Variants in SCARB2 observed in about 807,000 individuals in gnomAD.
SCARB2 encodes the protein scavenger receptor class B member 2.
SCARB2 carries 29 observed loss-of-function variants against 58.6 expected under a neutral mutation model. The ratio of observed to expected loss-of-function variants is 0.49; its 90% CI spans 0.37 to 0.67. The LOEUF (loss-of-function observed/expected upper bound fraction) is 0.67, where lower values mean the gene tolerates loss of function less well. SCARB2 is among the 30% of genes least tolerant of loss of function. The pLI is 0.00. For missense variants in SCARB2, 488 were observed against 578.5 expected, an observed-to-expected ratio of 0.84 and a Z score of 1.60; for synonymous variants, 195 against 210.1, an observed-to-expected ratio of 0.93 and a Z score of 0.62.
In SCARB2 at chr4:76,174,490, T is replaced by C. The variant is rs1012023742; in HGVS notation, c.825-177A>G. On this transcript the variant is annotated intron_variant, in intron 6 of 11. Transcript: ENST00000264896. ...AACGTGTAATAAAGCAGAAGATGAA[T>C]TGTAGTGGAAGGTGTTTATTGTAGC... The C allele has an allele frequency of 1.7e-5, 11 of 631,544 alleles. No individual in the cohort carries two copies. The African/African-American group carries it at 1.8e-4, about 10-fold the overall frequency. 39.1% of individuals were successfully genotyped at this position (631,544 alleles called of 1,614,324 possible).
In SCARB2 at chr4:76,183,009, T is replaced by C. The variant is rs146804265; in HGVS notation, c.276-1908A>G. Among the ~76,000 whole-genome samples, 86 of 152,360 alleles carry C rather than the reference T, an allele frequency of 5.6e-4. 1 individual carries two copies. Among genetic ancestry groups the C allele is most frequent in the Middle Eastern group, 3.4e-3 (1 of 294 alleles). ...TCATAAGTCAAGGACTGTCTGTATA[T>C]TGTATCTCTTTATACCTCTTAAATC... On this transcript the variant is annotated intron_variant, in intron 2 of 11. Transcript: ENST00000264896.
intron 4 of SCARB2, 58 bp downstream of exon 4, chr4:76,179,459 G>C (rs1732332526): frequency 3.3e-6 from 4 of 1,209,874 alleles, no homozygotes; most frequent in Non-Finnish European, 3.7e-6. Context: ...TCTGGCTTGG[G>C]GTGCCCCAAC....
At position 76,195,740 on chromosome 4, in the gene SCARB2, G is replaced by A. The variant is rs1168156939; in HGVS notation, c.242C>T (p.Pro81Leu). ...GTATGGCCCCACTTCTTCCACCCGA[G>A]GGGTCTCCCCTCTGAGGATCTCCTC... Reference protein sequence around the residue: ...NPEEILRGETPRVEEVGPYTY... With the variant: ...NPEEILRGETLRVEEVGPYTY... The change falls in exon 2 of 12, where the codon CCT (proline) becomes CTT (leucine). Residue 81 changes from proline to leucine, a missense_variant. Physicochemically the swap from Pro to Leu is moderately conservative, Grantham distance 98. Transcript: ENST00000264896. The A allele has an allele frequency of 2.5e-6, 4 of 1,613,944 alleles. No individual in the cohort carries two copies. The South Asian group carries it at 4.4e-5, about 18-fold the overall frequency.
intron 10 of SCARB2, chr4:76,165,458 C>A (rs2109933616): frequency 6.6e-6 from 1 of 152,124 alleles, no homozygotes; most frequent in Non-Finnish European, 1.5e-5. Context: ...CAGTAATTTA[C>A]TTTTTAAATC....
At chr4:76,187,207 T>C (rs894105112) in intron 2 of SCARB2, among the ~76,000 whole-genome samples, 5 of 152,200 alleles carry the variant, frequency 3.3e-5, no homozygotes, top group African/African-American at 1.2e-4. Flanking sequence ...AGTAAGACTT[T>C]TAAAGCTCAG....
chr4:76,213,563 C>G lies in SCARB2; in HGVS notation c.-20G>C. 1 of 1,581,882 alleles carries G rather than the reference C, an allele frequency of 6.3e-7. No homozygotes were observed. Among genetic ancestry groups the G allele is most frequent in the Non-Finnish European group, 8.6e-7 (1 of 1,159,732 alleles). On this transcript the variant is annotated 5_prime_UTR_variant, in exon 1 of 12. Coordinates refer to ENST00000264896, the MANE Select transcript of SCARB2 (RefSeq NM_005506.4). ...GCCCATTCTGTGCGCCGCTCACGGG[C>G]CGGGCCGGGCCGCACCCGCCAGGGA...
intron 1 of SCARB2, among the ~76,000 whole-genome samples, chr4:76,211,689 C>T (rs181626349): frequency 9.3e-4 from 141 of 152,252 alleles, no homozygotes; most frequent in African/African-American, 3.2e-3. Context: ...CTCAATCTTT[C>T]CCACTGTCCC....
At chr4:76,212,194 T>C (rs1410134755) in intron 1 of SCARB2, among the ~76,000 whole-genome samples, 1 of 152,224 alleles carries the variant, frequency 6.6e-6, no homozygotes, top group Non-Finnish European at 1.5e-5. Flanking sequence ...GATTTGGACA[T>C]GGACAGGAGT....
chr4:76,159,415 C>T lies in SCARB2; in HGVS notation c.*2298G>A, dbSNP rs1220153834. 1 of 152,092 alleles carries T rather than the reference C, an allele frequency of 6.6e-6. No homozygotes were observed. Among genetic ancestry groups the T allele is most frequent in the East Asian group, 1.9e-4 (1 of 5,202 alleles). 9.4% of individuals were successfully genotyped at this position (152,092 alleles called of 1,614,324 possible). A position where few individuals can be genotyped will look rare whatever the true frequency, so the allele number is the denominator to read the frequency against. ...GGATAGTATCAAATGTGATTTAAAC[C>T]AAGTAACTATTAAGAATCATAAAAC... is the stretch of plus-strand genomic sequence containing the variant. On this transcript the variant is annotated 3_prime_UTR_variant, in exon 12 of 12. Transcript: ENST00000264896.
At chr4:76,175,541 C>T (rs1233262846) in intron 6 of SCARB2, 2 of 507,506 alleles carry the variant, frequency 3.9e-6, no homozygotes, top group Non-Finnish European at 7.1e-6. Context: ...AAGTGAGGTA[C>T]AGAGTGGTTA....
At chr4:76,231,742 G>A (rs1560730893) in intron 1 of SCARB2, among the ~76,000 whole-genome samples, 2 of 152,172 alleles carry the variant, frequency 1.3e-5, no homozygotes. Flanking sequence ...TCAAATACCT[G>A]TGAGTTTGGT....
chr4:76,174,168 G>C lies in SCARB2; in HGVS notation c.970C>G (p.Leu324Val), dbSNP rs1732195035. The C allele has an allele frequency of 6.2e-7, 1 of 1,613,984 alleles. No individual in the cohort carries two copies. The highest frequency in any genetic ancestry group is 8.5e-7 in the Non-Finnish European group (1 of 1,180,018). ...CCATTCTTGCAGATGCTGACATTCA[G>C]AACTCCTGAGCCCAGGCAGTTTCCC... is the stretch of plus-strand genomic sequence containing the variant. ...PEGNCLGSGV[L>V]NVSICKNGAP... The change falls in exon 7 of 12, where the codon CTG (leucine) becomes GTG (valine). Residue 324 changes from leucine (L) to valine (V), a missense_variant. Physicochemically the swap from Leu to Val is conservative, Grantham distance 32. Coordinates refer to ENST00000264896, the MANE Select transcript of SCARB2 (RefSeq NM_005506.4).
chr4:76,160,920 AAACAGTT>A lies in SCARB2; in HGVS notation c.*786_*792del, dbSNP rs1256964542. 1.3e-5 allele frequency: 2 copies of A among 152,212 alleles called. No homozygotes were observed. The highest frequency in any genetic ancestry group is 2.4e-5 in the African/African-American group (1 of 41,454). The allele number at this position is 152,212 out of a possible 1,614,324, so 9.4% of individuals were successfully genotyped here. A position where few individuals can be genotyped will look rare whatever the true frequency, so the allele number is the denominator to read the frequency against. The stretch of plus-strand genomic sequence containing the variant: ...AGCATGATCATTTTGACTAAAAAAA[AAACAGTT>A]AACTATCCACAAGCATCATAACTAG... On this transcript the variant is annotated 3_prime_UTR_variant, in exon 12 of 12. Transcript: ENST00000264896.
chr4:76,171,419 G>C (rs1732126925), intron 7 of SCARB2, among the ~76,000 whole-genome samples: 1 of 152,072 alleles, frequency 6.6e-6, no homozygotes, highest in Admixed American at 6.6e-5. Flanking sequence ...CCAACAAATA[G>C]AATAGGACTC....
At chr4:76,231,291 G>A (rs959535515) in intron 1 of SCARB2, among the ~76,000 whole-genome samples, 4 of 152,124 alleles carry the variant, frequency 2.6e-5, no homozygotes, top group Non-Finnish European at 4.4e-5. Context: ...CACCTGGCAG[G>A]GTTTTCAGGA....
At chr4:76,209,472 G>A (rs538110345) in intron 1 of SCARB2, among the ~76,000 whole-genome samples, 27 of 152,174 alleles carry the variant, frequency 1.8e-4, no homozygotes, top group Non-Finnish European at 3.2e-4. Context: ...GGATTCAAGC[G>A]ATTCTCCTGC....
In SCARB2 at chr4:76,205,071, A is replaced by C. The variant is rs138508221; in HGVS notation, c.117+8356T>G. On this transcript the variant is annotated intron_variant, in intron 1 of 11. Transcript: ENST00000264896. ...CCAGGCACAGTGGCTCACGCCTGTA[A>C]TCCCAGCACTTTAGGAGGCAAAGGT... 2.6e-5 allele frequency among the ~76,000 whole-genome samples: 4 copies of C among 152,298 alleles called. No homozygotes were observed. In the East Asian group the frequency reaches 7.7e-4, roughly 29 times the overall value.
At chr4:76,179,315 A>G in intron 4 of SCARB2, 4 of 573,296 alleles carry the variant, frequency 7.0e-6, no homozygotes, top group South Asian at 4.0e-5. Context: ...CGGTCTCCCA[A>G]AGTCCTGGAA....
chr4:76,229,973 G>C (rs975058741), intron 1 of SCARB2, among the ~76,000 whole-genome samples: 4 of 152,192 alleles, frequency 2.6e-5, no homozygotes, highest in African/African-American at 9.6e-5. Context: ...TCTCCAGCCA[G>C]GAGGTGGTGC....
Sources: gnomAD v4.1 joint callset for allele counts (sites outside exome capture counted in the v4.1 genomes callset) on GRCh38, gnomAD v4.1.1 for gene constraint, MANE v1.5 for transcripts, NCBI Gene and HGNC (gene_info 2026-07-23, HGNC 2026-07-21) for gene names.